Variants in ARG2 observed in about 807,000 individuals in gnomAD.
ARG2 encodes the protein arginase-2, mitochondrial.
A neutral mutation model predicts 39.4 loss-of-function variants in ARG2; 21 were observed. That is an observed-to-expected ratio of 0.53 (90% confidence interval 0.38 to 0.77). The LOEUF is 0.77. Ranked by LOEUF, ARG2 falls within the 30% of genes least tolerant of loss-of-function variation. The pLI, the probability that ARG2 is intolerant of heterozygous loss-of-function variation, is 0.00. For missense variants in ARG2, 378 were observed against 426.2 expected (o/e 0.89, Z 1.00); for synonymous variants, 150 against 156.7 (o/e 0.96, Z 0.32).
chr14:67,645,555 A>G, intron 3 of ARG2, 88 bp from the exon 4 acceptor site: 1 of 1,452,588 alleles, frequency 6.9e-7, no homozygotes, highest in Non-Finnish European at 9.4e-7. Flanking sequence ...CACTGTGGAG[A>G]GAGTATAAGT....
At chr14:67,625,495 G>A (rs1215240798) in intron 2 of ARG2, among the ~76,000 whole-genome samples, 1 of 151,824 alleles carries the variant, frequency 6.6e-6, no homozygotes, top group Non-Finnish European at 1.5e-5. Context: ...CCTCAACATG[G>A]AGAAACCCCA....
Position 67,642,368 on chromosome 14 carries a change from G to A in ARG2, c.362+5G>A. 1 of 1,613,344 alleles carries A rather than the reference G, an allele frequency of 6.2e-7. No homozygotes were observed. The highest frequency in any genetic ancestry group is 8.5e-7 in the Non-Finnish European group (1 of 1,179,782). ...CACACTGGGAGGAGACCACAGGTAA[G>A]CTGGGAGCCAGGCGTGGTGAGGGGA... On this transcript the variant is annotated splice_donor_5th_base_variant and intron_variant, in intron 3 of 7. Transcript: ENST00000261783.
At position 67,636,187 on chromosome 14, in the gene ARG2, T is replaced by C. The variant is rs151179623; in HGVS notation, c.185-5999T>C. On this transcript the variant is annotated intron_variant, in intron 2 of 7. Coordinates refer to ENST00000261783, the MANE Select transcript of ARG2 (RefSeq NM_001172.4). ...GTGTCAGCCCACTTTGAAACCCATC[T>C]CTCTTGACTTGCTATGAGCCCTGGT... Among the ~76,000 whole-genome samples, 1,372 of 151,820 alleles carry C rather than the reference T, an allele frequency of 9.0e-3. 66 individuals carry two copies. Among genetic ancestry groups the C allele is most frequent in the Admixed American group, 0.076 (1,161 of 15,242 alleles).
Position 67,651,332 on chromosome 14 carries a change from T to G in ARG2, c.*412T>G. The G allele has an allele frequency of 6.2e-7, 1 of 1,611,480 alleles. No homozygotes were observed. Among genetic ancestry groups the G allele is most frequent in the Non-Finnish European group, 8.5e-7 (1 of 1,178,404 alleles). On this transcript the variant is annotated 3_prime_UTR_variant, in exon 8 of 8. Coordinates refer to ENST00000261783, the MANE Select transcript of ARG2 (RefSeq NM_001172.4). ...GCTTATTCTATCCACATCCCTAACA[T>G]CATGCATTCACAAGGTCAAAGTTCT...
intron 7 of ARG2, chr14:67,649,124 T>C (rs1014532973): frequency 6.6e-6 from 1 of 152,172 alleles, no homozygotes; most frequent in African/African-American, 2.4e-5. Context: ...ATTCTCTGCT[T>C]TGCTTCCTAA....
intron 2 of ARG2, among the ~76,000 whole-genome samples, chr14:67,640,459 T>C (rs956230373): frequency 3.9e-5 from 6 of 152,236 alleles, no homozygotes; most frequent in Non-Finnish European, 5.9e-5. Flanking sequence ...TCATGGCTTT[T>C]TGTTATGGTC....
At chr14:67,646,340 G>A in intron 4 of ARG2, 1 of 349,148 alleles carries the variant, frequency 2.9e-6, no homozygotes. Flanking sequence ...TCAGTAATGT[G>A]CAATGGGATA....
intron 4 of ARG2, 50 bp from the exon 5 acceptor site, chr14:67,646,594 G>C: frequency 2.1e-6 from 3 of 1,434,524 alleles, no homozygotes; most frequent in Non-Finnish European, 2.9e-6. Flanking sequence ...TAATGATCTT[G>C]GTGAGAACAA....
intron 2 of ARG2, among the ~76,000 whole-genome samples, chr14:67,639,301 A>T (rs1392381333): frequency 6.6e-6 from 1 of 152,098 alleles, no homozygotes; most frequent in Non-Finnish European, 1.5e-5. Context: ...TATCCACTGG[A>T]TTGAGCACTT....
Position 67,638,041 on chromosome 14 carries a change from C to T in ARG2, c.185-4145C>T, listed in dbSNP as rs550832314. On this transcript the variant is annotated intron_variant, in intron 2 of 7. Coordinates refer to ENST00000261783, the MANE Select transcript of ARG2 (RefSeq NM_001172.4). ...GCCACACAGATGGCAAAGTCCTAGG[C>T]ATGAGAGCCACAAGCCAGGTCTCTG... Among the ~76,000 whole-genome samples the T allele has an allele frequency of 2.0e-5, 3 of 152,294 alleles. No homozygotes were observed. In the East Asian group the frequency reaches 5.8e-4, roughly 29 times the overall value.
At chr14:67,623,465 G>C (rs933246871) in intron 2 of ARG2, among the ~76,000 whole-genome samples, 1 of 148,966 alleles carries the variant, frequency 6.7e-6, no homozygotes, top group Non-Finnish European at 1.5e-5. Flanking sequence ...GAATGTATTT[G>C]ACTTAGTGTC....
rs762550966 is a variant in ARG2, at chr14:67,646,980, G to C, written c.677G>C (p.Gly226Ala). The C allele has an allele frequency of 1.9e-5, 30 of 1,612,962 alleles. No homozygotes were observed. Among genetic ancestry groups the C allele is most frequent in the Non-Finnish European group, 1.7e-5 (20 of 1,179,274 alleles). The change falls in exon 6 of 8, where the codon GGT (glycine) becomes GCT (alanine). Residue 226 changes from glycine to alanine, a missense_variant. By Grantham distance (60) the Gly-to-Ala change is moderately conservative. Transcript: ENST00000261783. ...YFSMRDIDRLGIQKVMERTFD... is the reference protein window; with the variant it reads ...YFSMRDIDRLAIQKVMERTFD... Reference sequence around the variant, plus strand: ...TCCATGAGAGATATTGATCGACTTGGTATCCAGAAGGTCATGGAACGAACA... The same window carrying C: ...TCCATGAGAGATATTGATCGACTTGCTATCCAGAAGGTCATGGAACGAACA...
At chr14:67,628,454 T>C (rs1309961900) in intron 2 of ARG2, among the ~76,000 whole-genome samples, 1 of 152,224 alleles carries the variant, frequency 6.6e-6, no homozygotes, top group East Asian at 1.9e-4. Context: ...AAAAACTTAG[T>C]GATGTGCCTG....
In ARG2 at chr14:67,651,388, A is replaced by G. The variant is rs115023419; in HGVS notation, c.*468A>G. On this transcript the variant is annotated 3_prime_UTR_variant, in exon 8 of 8. Coordinates refer to ENST00000261783, the MANE Select transcript of ARG2 (RefSeq NM_001172.4). ...ACAAACCCTTCCCTATAGAAGTTCA[A>G]TGGCTGCGAAAGAATTTGTAGTAAA... 4.5e-5 allele frequency: 72 copies of G among 1,613,722 alleles called. No homozygotes were observed. In the African/African-American group the frequency reaches 8.5e-4, roughly 19 times the overall value.
chr14:67,642,348 T>C lies in ARG2; in HGVS notation c.347T>C (p.Leu116Pro). ...TCAGATGGCTACAGCTGTGTCACAC[T>C]GGGAGGAGACCACAGGTAAGCTGGG... is the stretch of plus-strand genomic sequence containing the variant. Reference protein sequence around the residue: ...AVSDGYSCVTLGGDHSLAIGT... With the variant: ...AVSDGYSCVTPGGDHSLAIGT... The change falls in exon 3 of 8, where the codon CTG (leucine) becomes CCG (proline). Residue 116 changes from leucine to proline, a missense_variant. Transcript: ENST00000261783. 6.2e-7 allele frequency: 1 copy of C among 1,613,858 alleles called. No homozygotes were observed. Among genetic ancestry groups the C allele is most frequent in the South Asian group, 1.1e-5 (1 of 91,062 alleles).
At chr14:67,645,617 T>C (rs1374167586) in intron 3 of ARG2, 26 bp from the exon 4 acceptor site, 68 of 1,604,386 alleles carry the variant, frequency 4.2e-5, no homozygotes, top group Non-Finnish European at 5.8e-5. Flanking sequence ...GCAGAGGGCC[T>C]TCAAGATTAT....
rs779670637 is a variant in ARG2 at position 67,642,234 on chromosome 14, A to G, written c.233A>G (p.Lys78Arg). 1.9e-6 allele frequency: 3 copies of G among 1,614,136 alleles called. No homozygotes were observed. The highest frequency in any genetic ancestry group is 2.5e-6 in the Non-Finnish European group (3 of 1,180,002). ...GATTTGAGTTTTACTCCAGTCCCCA[A>G]AGATGATCTCTACAACAACCTGATA... The part of the protein sequence containing the change: ...FGDLSFTPVP[K>R]DDLYNNLIVN... Residue 78 changes from lysine (K) to arginine (R), a missense_variant, in exon 3 of 8, where the codon AAA (lysine) becomes AGA (arginine). By Grantham distance (26) the Lys-to-Arg change is conservative. Transcript: ENST00000261783.
At chr14:67,621,548 T>C (rs2140703372) in intron 2 of ARG2, among the ~76,000 whole-genome samples, 1 of 151,982 alleles carries the variant, frequency 6.6e-6, no homozygotes, top group South Asian at 2.1e-4. Context: ...CTCCACCTTC[T>C]GGGTTCAAGC....
At chr14:67,650,330 C>A in intron 7 of ARG2, 1 of 246,462 alleles carries the variant, frequency 4.1e-6, no homozygotes, top group Non-Finnish European at 7.9e-6. Flanking sequence ...GATTCATTTC[C>A]AGGCAGGCAT....
Sources: allele counts gnomAD v4.1 joint callset (sites outside exome capture counted in the v4.1 genomes callset), GRCh38; gene constraint gnomAD v4.1.1; transcripts MANE v1.5; gene names NCBI Gene and HGNC (gene_info 2026-07-23, HGNC 2026-07-21).